Variants in MBD5 observed in about 807,000 individuals in gnomAD.
MBD5 encodes methyl-CpG-binding domain protein 5.
Under a neutral mutation model 117.3 loss-of-function variants are expected in MBD5, and 13 were observed. The ratio of observed to expected loss-of-function variants is 0.11; its 90% CI spans 0.07 to 0.18. The LOEUF (loss-of-function observed/expected upper bound fraction) is 0.18. Among genes scored for constraint, MBD5 ranks in the 10% least tolerant of loss-of-function variants. The pLI is 1.00. For synonymous variants in MBD5, 727 were observed against 766.4 expected, an observed-to-expected ratio of 0.95 and a Z score of 0.85; for missense variants, 1,879 against 2,093.8, an observed-to-expected ratio of 0.90 and a Z score of 2.00.
At chr2:148,141,340 G>A (rs1697308205) in intron 1 of MBD5, among the ~76,000 whole-genome samples, 1 of 152,114 alleles carries the variant, frequency 6.6e-6, no homozygotes, top group Admixed American at 6.6e-5. Flanking sequence ...CATCTTATCT[G>A]ATTAACCTGA....
intron 3 of MBD5, among the ~76,000 whole-genome samples, chr2:148,326,992 G>A (rs916830199): frequency 6.6e-6 from 1 of 151,658 alleles, no homozygotes; most frequent in Non-Finnish European, 1.5e-5. Flanking sequence ...TCCTTTCCAT[G>A]TTTAGTGCTT....
intron 2 of MBD5, among the ~76,000 whole-genome samples, chr2:148,199,458 A>G (rs1227464528): frequency 1.3e-5 from 2 of 152,214 alleles, no homozygotes; most frequent in South Asian, 2.1e-4. Context: ...AATAAAATGA[A>G]TAAACTAATA....
At chr2:148,424,183 A>C (rs1332522148) in intron 4 of MBD5, among the ~76,000 whole-genome samples, 8 of 74,860 alleles carry the variant, frequency 1.1e-4, no homozygotes, top group Non-Finnish European at 1.5e-4. Context: ...GTCTCAAAAA[A>C]AAAAAAAAAA....
At chr2:148,163,256 G>A (rs947578391) in intron 1 of MBD5, among the ~76,000 whole-genome samples, 1 of 152,094 alleles carries the variant, frequency 6.6e-6, no homozygotes, top group Non-Finnish European at 1.5e-5. Flanking sequence ...CATAGGTCTT[G>A]GAGCCTAAGC....
At chr2:148,436,914 A>G (rs1320534507) in intron 4 of MBD5, among the ~76,000 whole-genome samples, 1 of 152,050 alleles carries the variant, frequency 6.6e-6, no homozygotes, top group Non-Finnish European at 1.5e-5. Flanking sequence ...ATTTTTATGG[A>G]CTACTGATTA....
intron 2 of MBD5, among the ~76,000 whole-genome samples, chr2:148,206,596 C>G (rs1359764156): frequency 2.0e-5 from 3 of 152,172 alleles, no homozygotes; most frequent in Non-Finnish European, 4.4e-5. Context: ...ACCAGTCTCT[C>G]TCCATCTCCC....
At chr2:148,478,279 T>C (rs1396413448) in intron 8 of MBD5, among the ~76,000 whole-genome samples, 1 of 152,208 alleles carries the variant, frequency 6.6e-6, no homozygotes, top group Non-Finnish European at 1.5e-5. Context: ...TGCAGAATAC[T>C]GTTTACATAC....
At chr2:148,341,838 T>G (rs544940992) in intron 3 of MBD5, among the ~76,000 whole-genome samples, 1 of 147,020 alleles carries the variant, frequency 6.8e-6, no homozygotes, top group East Asian at 2.0e-4. Context: ...CAATAAATAT[T>G]GTTGAATAAA....
intron 7 of MBD5, among the ~76,000 whole-genome samples, chr2:148,466,874 C>T (rs1707280469): frequency 6.6e-6 from 1 of 152,124 alleles, no homozygotes; most frequent in Admixed American, 6.6e-5. Flanking sequence ...ATTTGGACCC[C>T]AGGTTGAGAT....
At chr2:148,295,468 C>G (rs1297666093) in intron 3 of MBD5, among the ~76,000 whole-genome samples, 2 of 152,068 alleles carry the variant, frequency 1.3e-5, no homozygotes, top group Non-Finnish European at 1.5e-5. Context: ...CCCTGCATTT[C>G]TATTTCTTGA....
intron 4 of MBD5, among the ~76,000 whole-genome samples, chr2:148,382,513 T>G (rs1704184410): frequency 6.6e-6 from 1 of 152,094 alleles, no homozygotes; most frequent in Non-Finnish European, 1.5e-5. Context: ...ATGGGAGACT[T>G]TAACACCCCA....
intron 3 of MBD5, among the ~76,000 whole-genome samples, chr2:148,330,245 A>G (rs929786655): frequency 1.3e-5 from 2 of 151,968 alleles, no homozygotes; most frequent in African/African-American, 4.8e-5. Context: ...GGTAGCCCTG[A>G]CAGTTTTGAG....
chr2:148,036,967 AC>A (rs1694211626), intron 1 of MBD5, among the ~76,000 whole-genome samples: 1 of 152,056 alleles, frequency 6.6e-6, no homozygotes, highest in Non-Finnish European at 1.5e-5. Flanking sequence ...CAATCAAAAC[AC>A]TCAGAAGCAT....
chr2:148,297,195 A>G (rs777786906), intron 3 of MBD5, among the ~76,000 whole-genome samples: 9 of 152,020 alleles, frequency 5.9e-5, no homozygotes, highest in Non-Finnish European at 1.2e-4. Flanking sequence ...CTCTTTGCAT[A>G]TCTTATAATA....
intron 4 of MBD5, among the ~76,000 whole-genome samples, chr2:148,417,197 A>C (rs1301025519): frequency 1.3e-5 from 2 of 151,596 alleles, no homozygotes; most frequent in Non-Finnish European, 2.9e-5. Context: ...ATCTTGGCTC[A>C]CTGCAACCTT....
At position 148,468,760 on chromosome 2, in the gene MBD5, C is replaced by G. The variant is rs776894242; in HGVS notation, c.817C>G (p.Leu273Val). 26 of 1,613,988 alleles carry G rather than the reference C, an allele frequency of 1.6e-5. No individual in the cohort carries two copies. Among genetic ancestry groups the G allele is most frequent in the East Asian group, 2.2e-5 (1 of 44,858 alleles). The change falls in exon 8 of 14, where the codon CTT (leucine) becomes GTT (valine). Residue 273 changes from leucine to valine, a missense_variant. Leu to Val is a conservative substitution (Grantham distance 32, BLOSUM62 1). Transcript: ENST00000642680. ...TCCTATTCACCTGAATAGGACTCCT[C>G]TTTCTCCACCTTCAGTAATGCTACA... ...SSPIHLNRTP[L>V]SPPSVMLHGS...
At chr2:148,245,124 G>A (rs747726689) in intron 3 of MBD5, among the ~76,000 whole-genome samples, 19 of 152,170 alleles carry the variant, frequency 1.2e-4, no homozygotes, top group South Asian at 2.1e-4. Flanking sequence ...TGTGGCTCAC[G>A]CCTGTAATCC....
intron 2 of MBD5, among the ~76,000 whole-genome samples, chr2:148,179,260 C>T (rs1038593555): frequency 6.6e-6 from 1 of 150,898 alleles, no homozygotes; most frequent in Admixed American, 6.6e-5. Flanking sequence ...GAGGCTGAGG[C>T]AGGAGAATGG....
intron 4 of MBD5, among the ~76,000 whole-genome samples, chr2:148,401,016 A>G (rs1369736737): frequency 6.6e-6 from 1 of 152,200 alleles, no homozygotes; most frequent in Non-Finnish European, 1.5e-5. Context: ...TCAATAATAA[A>G]TATATCTGAC....
Sources: gnomAD v4.1 joint callset for allele counts (sites outside exome capture counted in the v4.1 genomes callset) on GRCh38, gnomAD v4.1.1 for gene constraint, MANE v1.5 for transcripts, NCBI Gene and HGNC (gene_info 2026-07-23, HGNC 2026-07-21) for gene names.